Variants in WFIKKN1 observed in about 807,000 individuals in gnomAD.
WFIKKN1 encodes WAP, follistatin/kazal, immunoglobulin, kunitz and netrin domain containing 1.
Under a neutral mutation model 4.6 loss-of-function variants are expected in WFIKKN1, and 6 were observed. The ratio of observed to expected loss-of-function variants is 1.31; its 90% CI spans 0.72 to 2.59. The LOEUF is 2.59. WFIKKN1 is among the 30% of genes most tolerant of loss of function. The pLI, the probability that WFIKKN1 is intolerant of heterozygous loss-of-function variation, is 0.00. For missense variants in WFIKKN1, 964 were observed against 818.0 expected (o/e 1.18, Z -2.18); for synonymous variants, 468 against 367.4 (o/e 1.27, Z -3.13).
At chr16:631,445 G>A (rs575385768) in intron 1 of WFIKKN1, 21 bp downstream of exon 1, 21 of 1,598,214 alleles carry the variant, frequency 1.3e-5, no homozygotes, top group Non-Finnish European at 1.7e-5. Flanking sequence ...TCGGGCCGGG[G>A]TCCTGGGGCT....
Position 633,910 on chromosome 16 carries a change from G to A in WFIKKN1, c.1500G>A (p.Pro500=), listed in dbSNP as rs1361834682. The change falls in exon 2 of 2, where the codon CCG becomes CCA. Residue 500 remains proline (P), a synonymous_variant. Coordinates refer to ENST00000319070, the MANE Select transcript of WFIKKN1 (RefSeq NM_053284.3). ...PCPNMTAGDG[P]LVIMGEVRDG... is the part of the protein sequence containing the mutation. ...CCAACATGACGGCGGGCGACGGGCCGCTGGTCATCATGGGTGAGGTGCGCG... is the reference window on the plus strand; with the variant it reads ...CCAACATGACGGCGGGCGACGGGCCACTGGTCATCATGGGTGAGGTGCGCG... 18 of 1,593,186 alleles carry A rather than the reference G, an allele frequency of 1.1e-5. No individual in the cohort carries two copies. Among genetic ancestry groups the A allele is most frequent in the Non-Finnish European group, 1.5e-5 (17 of 1,170,898 alleles).
Position 633,460 on chromosome 16 carries a change from C to CTGT in WFIKKN1, c.1051_1053dup (p.Cys351dup). The CTGT allele has an allele frequency of 6.5e-7, 1 of 1,531,408 alleles. No homozygotes were observed. Among genetic ancestry groups the CTGT allele is most frequent in the Non-Finnish European group, 8.7e-7 (1 of 1,147,474 alleles). 94.9% of individuals were successfully genotyped at this position (1,531,408 alleles called of 1,614,324 possible). A position where few individuals can be genotyped will look rare whatever the true frequency, so the allele number is the denominator to read the frequency against. On this transcript the variant is annotated inframe_insertion, in exon 2 of 2. Transcript: ENST00000319070. Reference sequence around the variant, plus strand: ...AGACCTACGAGGCATGCCAGCAGGCCTGTGCCCGCGGCCCCGGCGACGCCT... The same window carrying CTGT: ...AGACCTACGAGGCATGCCAGCAGGCCTGTTGTGCCCGCGGCCCCGGCGACGCCT...
intron 1 of WFIKKN1, 91 bp from the exon 2 acceptor site, chr16:632,491 T>G: frequency 2.2e-6 from 3 of 1,380,514 alleles, no homozygotes; most frequent in Non-Finnish European, 2.8e-6. Flanking sequence ...GGCTCCCTGC[T>G]ACCCCACCTG....
rs897925355 is a variant in WFIKKN1 at position 632,791 on chromosome 16, C to T, written c.381C>T (p.Thr127=). ...RDRCEKEPSF[T]CASDGLTYYN... is the part of the protein sequence containing the mutation. ...GCTGTGAGAAGGAGCCCAGCTTCAC[C>T]TGCGCCTCGGACGGCCTCACCTACT... Residue 127 remains threonine, a synonymous_variant, in exon 2 of 2, where the codon ACC becomes ACT. Transcript: ENST00000319070. The T allele has an allele frequency of 1.2e-6, 2 of 1,601,928 alleles. No individual in the cohort carries two copies. Among genetic ancestry groups the T allele is most frequent in the African/African-American group, 2.7e-5 (2 of 74,490 alleles).
chr16:633,912 T>A lies in WFIKKN1; in HGVS notation c.1502T>A (p.Leu501Gln). The A allele has an allele frequency of 6.3e-7, 1 of 1,594,290 alleles. No individual in the cohort carries two copies. The highest frequency in any genetic ancestry group is 8.5e-7 in the Non-Finnish European group (1 of 1,171,416). Reference protein sequence around the residue: ...CPNMTAGDGPLVIMGEVRDGV... With the variant: ...CPNMTAGDGPQVIMGEVRDGV... Reference sequence around the variant, plus strand: ...AACATGACGGCGGGCGACGGGCCGCTGGTCATCATGGGTGAGGTGCGCGAT... The same window carrying A: ...AACATGACGGCGGGCGACGGGCCGCAGGTCATCATGGGTGAGGTGCGCGAT... The change falls in exon 2 of 2, where the codon CTG becomes CAG. Residue 501 changes from leucine to glutamine, a missense_variant. Leu to Gln is a moderately radical substitution (Grantham distance 113). Coordinates refer to ENST00000319070, the MANE Select transcript of WFIKKN1 (RefSeq NM_053284.3).
chr16:633,998 A>G lies in WFIKKN1; in HGVS notation c.1588A>G (p.Lys530Glu), dbSNP rs756127097. The G allele has an allele frequency of 3.7e-6, 6 of 1,603,452 alleles. No homozygotes were observed. The Admixed American group carries it at 1.0e-4, about 27-fold the overall frequency. The change falls in exon 2 of 2, where the codon AAG becomes GAG. Residue 530 changes from lysine (K) to glutamate (E), a missense_variant. Transcript: ENST00000319070. ...VRAASEKRVK[K>E]ILELLEKQAC... ...CGCCGCCAGCGAGAAGCGCGTCAAG[A>G]AGATCTTGGAGCTGCTGGAGAAGCA...
chr16:631,297 G>A lies in WFIKKN1; in HGVS notation c.44G>A (p.Arg15Gln), dbSNP rs746390568. 1.1e-5 allele frequency: 17 copies of A among 1,596,658 alleles called. No individual in the cohort carries two copies. Among genetic ancestry groups the A allele is most frequent in the Middle Eastern group, 1.7e-4 (1 of 5,728 alleles). The change falls in exon 1 of 2, where the codon CGG becomes CAG. Residue 15 changes from arginine to glutamine, a missense_variant. Transcript: ENST00000319070. Reference protein sequence around the residue: ...RPLLPLLLLLRLTSGAGLLPG... With the variant: ...RPLLPLLLLLQLTSGAGLLPG... ...CTCCTGCCGCTCCTGCTCCTCCTCCGGCTGACCTCGGGGGCTGGCTTGCTG... is the reference window on the plus strand; with the variant it reads ...CTCCTGCCGCTCCTGCTCCTCCTCCAGCTGACCTCGGGGGCTGGCTTGCTG...
chr16:632,416 G>C (rs553746005), intron 1 of WFIKKN1, 166 bp from the exon 2 acceptor site: 1 of 787,944 alleles, frequency 1.3e-6, no homozygotes, highest in East Asian at 3.3e-5. Context: ...CACCTCTGGC[G>C]AGGTGGCTCC....
intron 1 of WFIKKN1, 190 bp from the exon 2 acceptor site, chr16:632,392 G>A (rs2036961119): frequency 3.4e-6 from 2 of 585,744 alleles, no homozygotes; most frequent in Non-Finnish European, 2.7e-6. Flanking sequence ...GATTCTGGAA[G>A]GTAAGCCAGG....
rs980736210 is a variant in WFIKKN1 at position 632,694 on chromosome 16, G to C, written c.284G>C (p.Gly95Ala). 13 of 1,609,320 alleles carry C rather than the reference G, an allele frequency of 8.1e-6. No homozygotes were observed. Among genetic ancestry groups the C allele is most frequent in the Non-Finnish European group, 1.1e-5 (13 of 1,178,236 alleles). The change falls in exon 2 of 2, where the codon GGC becomes GCC. Residue 95 changes from glycine (G) to alanine (A), a missense_variant. Gly to Ala is a moderately conservative substitution (Grantham distance 60). Transcript: ENST00000319070. The part of the protein sequence containing the change: ...AAPTTAASCE[G>A]FVCPQQGSDC... ...CCGACGACAGCGGCCTCCTGCGAGG[G>C]CTTTGTGTGCCCACAGCAGGGCTCG...
At position 633,777 on chromosome 16, in the gene WFIKKN1, G is replaced by C; in HGVS notation, c.1367G>C (p.Arg456Pro). Residue 456 changes from arginine (R) to proline (P), a missense_variant, in exon 2 of 2, where the codon CGC (arginine) becomes CCC (proline). Transcript: ENST00000319070. ...EEPEAAGGIA[R>P]VALEDVLKDD... ...CCCGAGGCCGCCGGCGGCATCGCCC[G>C]CGTGGCGCTCGAGGACGTGCTCAAG... is the stretch of plus-strand genomic sequence containing the variant. 2 of 1,599,132 alleles carry C rather than the reference G, an allele frequency of 1.3e-6. No homozygotes were observed. Among genetic ancestry groups the C allele is most frequent in the Non-Finnish European group, 1.7e-6 (2 of 1,173,616 alleles).
Position 631,056 on chromosome 16 carries a change from C to T in WFIKKN1, c.-198C>T. 1 of 618,902 alleles carries T rather than the reference C, an allele frequency of 1.6e-6. No homozygotes were observed. The highest frequency in any genetic ancestry group is 2.0e-5 in the South Asian group (1 of 48,974). The allele number at this position is 618,902 out of a possible 1,614,324, so 38.3% of individuals were successfully genotyped here. On this transcript the variant is annotated 5_prime_UTR_variant, in exon 1 of 2. Coordinates refer to ENST00000319070, the MANE Select transcript of WFIKKN1 (RefSeq NM_053284.3). ...GACGGCCTCTGAGAACTTGGAGACCCCGTTACCCACCCAGCAGGGGTGTCA... is the reference window on the plus strand; with the variant it reads ...GACGGCCTCTGAGAACTTGGAGACCTCGTTACCCACCCAGCAGGGGTGTCA...
In WFIKKN1 at chr16:633,886, C is replaced by G. The variant is rs1183287785; in HGVS notation, c.1476C>G (p.Pro492=). Reference sequence around the variant, plus strand: ...GCATGGACTGGGCCTGCCCCTGCCCCAACATGACGGCGGGCGACGGGCCGC... The same window carrying G: ...GCATGGACTGGGCCTGCCCCTGCCCGAACATGACGGCGGGCGACGGGCCGC... ...LSGMDWACPC[P]NMTAGDGPLV... The change falls in exon 2 of 2, where the codon CCC becomes CCG. Residue 492 remains proline, a synonymous_variant. Coordinates refer to ENST00000319070, the MANE Select transcript of WFIKKN1 (RefSeq NM_053284.3). The G allele has an allele frequency of 6.3e-7, 1 of 1,596,294 alleles. No individual in the cohort carries two copies. Among genetic ancestry groups the G allele is most frequent in the Admixed American group, 1.7e-5 (1 of 57,632 alleles).
chr16:631,217 T>G lies in WFIKKN1; in HGVS notation c.-37T>G, dbSNP rs751060340. ...TCTGTGGAGCCCGAGGAGGGGCTGG[T>G]GGCCACACCCCCCGGCCCCCTGGCT... On this transcript the variant is annotated 5_prime_UTR_variant, in exon 1 of 2. Transcript: ENST00000319070. 12 of 1,526,368 alleles carry G rather than the reference T, an allele frequency of 7.9e-6. No individual in the cohort carries two copies. The South Asian group carries it at 8.4e-5, about 11-fold the overall frequency. The allele number at this position is 1,526,368 out of a possible 1,614,324, so 94.6% of individuals were successfully genotyped here.
chr16:631,540 G>A, intron 1 of WFIKKN1, 116 bp downstream of exon 1: 1 of 1,326,080 alleles, frequency 7.5e-7, no homozygotes, highest in Non-Finnish European at 1.0e-6. Context: ...CTGGGTCTGG[G>A]CCCCTTAAGG....
chr16:633,830 G>C lies in WFIKKN1; in HGVS notation c.1420G>C (p.Gly474Arg), dbSNP rs760804546. 1 of 1,601,984 alleles carries C rather than the reference G, an allele frequency of 6.2e-7. No homozygotes were observed. Among genetic ancestry groups the C allele is most frequent in the Admixed American group, 1.7e-5 (1 of 58,752 alleles). ...KDDKMGLKFL[G>R]TKYLEVTLSG... ...TGACAAGATGGGCCTCAAGTTCTTGGGCACCAAGTACCTGGAGGTGACGCT... is the reference window on the plus strand; with the variant it reads ...TGACAAGATGGGCCTCAAGTTCTTGCGCACCAAGTACCTGGAGGTGACGCT... Residue 474 changes from glycine to arginine, a missense_variant, in exon 2 of 2, where the codon GGC (glycine) becomes CGC (arginine). Transcript: ENST00000319070.
chr16:633,876 G>GC lies in WFIKKN1; in HGVS notation c.1470dup (p.Cys491LeufsTer16). ...ACGCTGAGTGGCATGGACTGGGCCT[G>GC]CCCCTGCCCCAACATGACGGCGGGC... On this transcript the variant is annotated frameshift_variant, in exon 2 of 2. Coordinates refer to ENST00000319070, the MANE Select transcript of WFIKKN1 (RefSeq NM_053284.3). LOFTEE classifies it low-confidence loss of function (END_TRUNC). 1 of 1,595,496 alleles carries GC rather than the reference G, an allele frequency of 6.3e-7. No homozygotes were observed. The highest frequency in any genetic ancestry group is 8.5e-7 in the Non-Finnish European group (1 of 1,171,878).
In WFIKKN1 at chr16:632,929, C is replaced by T; in HGVS notation, c.519C>T (p.Thr173=). 6.4e-7 allele frequency: 1 copy of T among 1,558,986 alleles called. No homozygotes were observed. The highest frequency in any genetic ancestry group is 8.7e-7 in the Non-Finnish European group (1 of 1,152,622). ...WPPSSPGPPE[T]TARPTPGAAP... The stretch of plus-strand genomic sequence containing the variant: ...CCAGCAGCCCGGGGCCGCCGGAGAC[C>T]ACTGCCCGCCCCACACCTGGGGCCG... The change falls in exon 2 of 2, where the codon ACC becomes ACT. Residue 173 remains threonine (T), a synonymous_variant. Transcript: ENST00000319070.
Position 633,420 on chromosome 16 carries a change from C to A in WFIKKN1, c.1010C>A (p.Ala337Glu). ...TTCCCGGCCCGTGGCTGTGATGGGGCGGCCCGCGGCTTTGAGACCTACGAG... is the reference window on the plus strand; with the variant it reads ...TTCCCGGCCCGTGGCTGTGATGGGGAGGCCCGCGGCTTTGAGACCTACGAG... The part of the protein sequence containing the change: ...MTFPARGCDG[A>E]ARGFETYEAC... Residue 337 changes from alanine to glutamate, a missense_variant, in exon 2 of 2, where the codon GCG becomes GAG. Physicochemically the swap from Ala to Glu is moderately radical, Grantham distance 107 (BLOSUM62 -1). Transcript: ENST00000319070. 6.5e-7 allele frequency: 1 copy of A among 1,547,090 alleles called. No homozygotes were observed. Among genetic ancestry groups the A allele is most frequent in the Non-Finnish European group, 8.7e-7 (1 of 1,155,538 alleles).
Sources: gnomAD v4.1 joint callset for allele counts on GRCh38, gnomAD v4.1.1 for gene constraint, MANE v1.5 for transcripts, NCBI Gene and HGNC (gene_info 2026-07-23, HGNC 2026-07-21) for gene names.